ME3: variants seen among roughly 807,000 people sequenced by gnomAD.
ME3 encodes NADP-dependent malic enzyme, mitochondrial.
A neutral mutation model predicts 68.9 loss-of-function variants in ME3; 48 were observed. The ratio of observed to expected loss-of-function variants is 0.70; its 90% CI spans 0.55 to 0.89. The LOEUF (loss-of-function observed/expected upper bound fraction) is 0.89, where lower values mean the gene tolerates loss of function less well. ME3 is among the 40% of genes least tolerant of loss of function. ME3 has a pLI of 0.00. For synonymous variants in ME3, 320 were observed against 318.8 expected, an observed-to-expected ratio of 1.00 and a Z score of -0.04; for missense variants, 675 against 797.4, an observed-to-expected ratio of 0.85 and a Z score of 1.85.
chr11:86,617,099 C>T (rs1348941077), intron 2 of ME3, among the ~76,000 whole-genome samples: 1 of 105,028 alleles, frequency 9.5e-6, no homozygotes, highest in East Asian at 3.1e-4. Flanking sequence ...AACAAGCGAT[C>T]TGGAGCCAGT....
At chr11:86,446,097 C>T (rs571526019) in intron 13 of ME3, among the ~76,000 whole-genome samples, 3 of 152,288 alleles carry the variant, frequency 2.0e-5, no homozygotes, top group African/African-American at 7.2e-5. Context: ...TAATACCCTT[C>T]ACCACTATTC....
intron 2 of ME3, among the ~76,000 whole-genome samples, chr11:86,590,493 A>G (rs1253724426): frequency 1.3e-5 from 2 of 152,194 alleles, no homozygotes; most frequent in African/African-American, 4.8e-5. Flanking sequence ...TACCTTTTCA[A>G]TTAGGCTTTA....
At chr11:86,583,432 A>C (rs775594471) in intron 2 of ME3, among the ~76,000 whole-genome samples, 1 of 152,226 alleles carries the variant, frequency 6.6e-6, no homozygotes, top group African/African-American at 2.4e-5. Flanking sequence ...GATGCTATTC[A>C]TTCCTCAAAA....
chr11:86,625,691 A>G (rs371752809), intron 2 of ME3, among the ~76,000 whole-genome samples: 1 of 152,360 alleles, frequency 6.6e-6, no homozygotes. Flanking sequence ...TCATGAAGCC[A>G]GCCTGATGAG....
At chr11:86,501,534 A>G (rs1594200365) in intron 5 of ME3, among the ~76,000 whole-genome samples, 1 of 152,186 alleles carries the variant, frequency 6.6e-6, no homozygotes, top group South Asian at 2.1e-4. Context: ...TATGGCTCCT[A>G]CTGTCCTCTC....
At chr11:86,530,136 C>T (rs12793144) in intron 4 of ME3, among the ~76,000 whole-genome samples, 51,026 of 151,982 alleles carry the variant, frequency 0.34, 8,899 homozygotes, top group African/African-American at 0.44. Context: ...CTTAAGCTGA[C>T]AGGCAACTTC....
intron 4 of ME3, among the ~76,000 whole-genome samples, chr11:86,520,384 C>G (rs1189889132): frequency 2.6e-5 from 4 of 152,188 alleles, no homozygotes; most frequent in Non-Finnish European, 4.4e-5. Context: ...ACATGGAAAA[C>G]AAGTGTGAGC....
intron 2 of ME3, among the ~76,000 whole-genome samples, chr11:86,633,354 G>T (rs1311651892): frequency 6.6e-6 from 1 of 152,136 alleles, no homozygotes; most frequent in Non-Finnish European, 1.5e-5. Flanking sequence ...ACCCTATTTT[G>T]TAGATCAGGA....
intron 2 of ME3, among the ~76,000 whole-genome samples, chr11:86,645,267 C>T (rs751829399): frequency 1.3e-5 from 2 of 152,190 alleles, no homozygotes; most frequent in Admixed American, 6.5e-5. Flanking sequence ...TGGTCTAGCT[C>T]ATCAGATCCC....
chr11:86,576,017 T>C (rs969357738), intron 2 of ME3, among the ~76,000 whole-genome samples: 1 of 152,224 alleles, frequency 6.6e-6, no homozygotes, highest in African/African-American at 2.4e-5. Context: ...ATCATTCAAC[T>C]CTTGAACAGA....
intron 7 of ME3, among the ~76,000 whole-genome samples, chr11:86,475,874 T>TATATATATATATATATATAGAGAG: frequency 7.7e-5 from 7 of 91,468 alleles, no homozygotes; most frequent in African/African-American, 1.5e-4. Flanking sequence ...TATATATATA[T>TATATATATATATATATATAGAGAG]AGAGAGAGAG....
chr11:86,482,504 T>G (rs1951468185), intron 7 of ME3, among the ~76,000 whole-genome samples: 1 of 151,492 alleles, frequency 6.6e-6, no homozygotes, highest in South Asian at 2.1e-4. Context: ...AGATAGGGTG[T>G]GGCAGTCTCT....
chr11:86,478,954 G>C (rs1341260251), intron 7 of ME3, among the ~76,000 whole-genome samples: 1 of 152,110 alleles, frequency 6.6e-6, no homozygotes, highest in Non-Finnish European at 1.5e-5. Flanking sequence ...TTAATTTTAG[G>C]TGTCAACTTG....
intron 2 of ME3, among the ~76,000 whole-genome samples, chr11:86,560,770 A>ATATATATATATATATATATATATT (rs1405684410): frequency 1.4e-4 from 18 of 132,154 alleles, no homozygotes; most frequent in East Asian, 4.9e-4. Context: ...ATATATATAT[A>ATATATATATATATATATATATATT]TATTTCCAGG....
intron 7 of ME3, among the ~76,000 whole-genome samples, chr11:86,475,819 G>T (rs2138829255): frequency 6.7e-6 from 1 of 148,186 alleles, no homozygotes; most frequent in East Asian, 2.0e-4. Flanking sequence ...CTAAGATACA[G>T]ACTGAACCAC....
intron 2 of ME3, among the ~76,000 whole-genome samples, chr11:86,578,562 T>C (rs1299989244): frequency 5.9e-5 from 9 of 152,160 alleles, no homozygotes; most frequent in Non-Finnish European, 1.5e-5. Context: ...CAGATGGCTG[T>C]TAACCTGTTC....
intron 2 of ME3, chr11:86,667,644 A>G (rs796986561): frequency 1.3e-5 from 2 of 152,226 alleles, no homozygotes; most frequent in South Asian, 2.1e-4. Flanking sequence ...CCAACCAGCC[A>G]TTGTAATAGT....
intron 2 of ME3, among the ~76,000 whole-genome samples, chr11:86,664,379 C>G (rs546060282): frequency 1.9e-4 from 29 of 152,152 alleles, no homozygotes; most frequent in Non-Finnish European, 3.7e-4. Context: ...TTAACATAAG[C>G]CAATGTTTCT....
At chr11:86,549,677 A>AT (rs1956567925) in intron 4 of ME3, among the ~76,000 whole-genome samples, 1 of 152,206 alleles carries the variant, frequency 6.6e-6, no homozygotes, top group Non-Finnish European at 1.5e-5. Context: ...AGCTATTACT[A>AT]TTACAATGTG....
Sources: gnomAD v4.1 joint callset for allele counts (sites outside exome capture counted in the v4.1 genomes callset) on GRCh38, gnomAD v4.1.1 for gene constraint, MANE v1.5 for transcripts, NCBI Gene and HGNC (gene_info 2026-07-23, HGNC 2026-07-21) for gene names.